The following N4BP2 variants were observed in gnomAD, a reference collection of about 807,000 sequenced individuals.
The protein encoded by N4BP2 is NEDD4-binding protein 2.
Under a neutral mutation model 152.8 loss-of-function variants are expected in N4BP2, and 91 were observed. The ratio of observed to expected loss-of-function variants is 0.60; its 90% CI spans 0.50 to 0.71. The LOEUF (loss-of-function observed/expected upper bound fraction) is 0.71. Among genes scored for constraint, N4BP2 ranks in the 30% least tolerant of loss-of-function variants. N4BP2 has a pLI of 0.00. For missense variants in N4BP2, 1,923 were observed against 2,059.1 expected, an observed-to-expected ratio of 0.93 and a Z score of 1.28; for synonymous variants, 646 against 705.3, an observed-to-expected ratio of 0.92 and a Z score of 1.33.
At chr4:40,069,143 C>CA (rs1294286645) in intron 1 of N4BP2, among the ~76,000 whole-genome samples, 2 of 147,896 alleles carry the variant, frequency 1.4e-5, no homozygotes, top group South Asian at 4.3e-4. Flanking sequence ...CAAAAAACAA[C>CA]AAAAAAATTC....
At chr4:40,069,439 C>T (rs757977759) in intron 1 of N4BP2, among the ~76,000 whole-genome samples, 6 of 151,922 alleles carry the variant, frequency 3.9e-5, no homozygotes, top group Non-Finnish European at 5.9e-5. Flanking sequence ...TCATTTTTTT[C>T]CCTTCCTTTC....
At chr4:40,124,046 G>T (rs575945675) in intron 10 of N4BP2, 114 bp from the exon 11 acceptor site, 3 of 682,210 alleles carry the variant, frequency 4.4e-6, no homozygotes, top group Admixed American at 2.1e-5. Flanking sequence ...GAGTAAGAAT[G>T]GTTTACAGTT....
chr4:40,141,272 C>A (rs1174162480), intron 14 of N4BP2, among the ~76,000 whole-genome samples: 3 of 151,714 alleles, frequency 2.0e-5, no homozygotes, highest in Non-Finnish European at 4.4e-5. Context: ...GGTGGGTGAC[C>A]CCCACCTCCT....
intron 14 of N4BP2, among the ~76,000 whole-genome samples, chr4:40,137,852 T>C (rs954026523): frequency 2.0e-5 from 3 of 152,188 alleles, no homozygotes; most frequent in African/African-American, 7.2e-5. Flanking sequence ...CTCTGGGGCA[T>C]AGGGACTTCC....
chr4:40,142,840 C>T lies in N4BP2; in HGVS notation c.4953C>T (p.Val1651=), dbSNP rs749114534. ...CTTATCGGATAGGGAAAAAAAATGT[C>T]GCCACCTTTTATGCCCAGCAGGTAA... ...KEAYRIGKKN[V]ATFYAQQGTL... Residue 1651 remains valine (V), a synonymous_variant, in exon 15 of 18, where the codon GTC becomes GTT. Transcript: ENST00000261435. 1.1e-5 allele frequency: 17 copies of T among 1,613,404 alleles called. 1 individual carries two copies. Among genetic ancestry groups the T allele is most frequent in the African/African-American group, 5.3e-5 (4 of 74,834 alleles).
chr4:40,144,652 G>A lies in N4BP2; in HGVS notation c.4995G>A (p.Lys1665=), dbSNP rs1720339680. 1.2e-6 allele frequency: 2 copies of A among 1,612,450 alleles called. No homozygotes were observed. The highest frequency in any genetic ancestry group is 2.7e-5 in the African/African-American group (2 of 74,844). ...TTTAGGGTACTCTTCATGAGCAGAA[G>A]ATGAAAGAAGCCAATCACCTTGCTG... ...YAQQGTLHEQ[K]MKEANHLAAI... Residue 1665 remains lysine (K), a synonymous_variant, in exon 16 of 18, where the codon AAG becomes AAA. Transcript: ENST00000261435.
chr4:40,187,424 C>T, the N4BP2 span, among the ~76,000 whole-genome samples: 2 of 152,076 alleles, frequency 1.3e-5, no homozygotes, highest in Non-Finnish European at 2.9e-5. Flanking sequence ...CAGGACATAC[C>T]CTGACTTCCT....
rs73140157 is a variant in N4BP2, at chr4:40,089,202, C to G, written c.-114-8025C>G. 3.8e-3 allele frequency among the ~76,000 whole-genome samples: 574 copies of G among 151,600 alleles called. 3 individuals carry two copies. Among genetic ancestry groups the G allele is most frequent in the African/African-American group, 0.013 (527 of 41,338 alleles). On this transcript the variant is annotated intron_variant, in intron 2 of 17. Transcript: ENST00000261435. ...CTCCTGGGCTTAAGGGATTCCCCCC[C>G]TCTTCAGCCCCTGTTGGGCTCCCAA...
intron 7 of N4BP2, among the ~76,000 whole-genome samples, chr4:40,115,849 A>G (rs1433101439): frequency 1.3e-5 from 2 of 152,188 alleles, no homozygotes; most frequent in Non-Finnish European, 2.9e-5. Flanking sequence ...CCATTAAATC[A>G]TGCTTATTGT....
At chr4:40,104,651 C>T (rs1003988174) in intron 4 of N4BP2, among the ~76,000 whole-genome samples, 1 of 152,066 alleles carries the variant, frequency 6.6e-6, no homozygotes, top group Admixed American at 6.6e-5. Context: ...AGCTGTGAGA[C>T]AAGTTTGAAG....
At chr4:40,073,597 A>ATTTT (rs35236806) in intron 2 of N4BP2, 46 bp downstream of exon 2, 1 of 146,542 alleles carries the variant, frequency 6.8e-6, no homozygotes. Context: ...TACACATAAG[A>ATTTT]TTTTTTTTTT....
intron 14 of N4BP2, 45 bp downstream of exon 14, chr4:40,137,127 T>G: frequency 7.1e-7 from 1 of 1,408,484 alleles, no homozygotes; most frequent in Admixed American, 2.1e-5. Flanking sequence ...GATAATTGCA[T>G]ATAAAAATAT....
the N4BP2 span, among the ~76,000 whole-genome samples, chr4:40,178,327 G>A: frequency 6.6e-6 from 1 of 151,990 alleles, no homozygotes; most frequent in Non-Finnish European, 1.5e-5. Context: ...TAATGATAAA[G>A]CAAGAGTTAG....
At chr4:40,159,441 A>G (rs146197935), downstream of N4BP2, among the ~76,000 whole-genome samples, 300 of 152,316 alleles carry the variant, frequency 2.0e-3, no homozygotes, top group African/African-American at 6.8e-3. Flanking sequence ...AATCTAGGAA[A>G]GTTCATCATT....
chr4:40,166,612 C>T, the N4BP2 span: 2 of 151,894 alleles, frequency 1.3e-5, no homozygotes, highest in African/African-American at 4.8e-5. Flanking sequence ...TCACTTGAAC[C>T]CAGGAGACGG....
chr4:40,154,058 T>C, intron 17 of N4BP2, 134 bp from the exon 18 acceptor site: 1 of 618,140 alleles, frequency 1.6e-6, no homozygotes, highest in Non-Finnish European at 2.8e-6. Context: ...GTCTTGGATA[T>C]TGACTTAATA....
chr4:40,071,161 A>G (rs1360913276), intron 1 of N4BP2, among the ~76,000 whole-genome samples: 2 of 150,574 alleles, frequency 1.3e-5, no homozygotes, highest in Non-Finnish European at 3.0e-5. Flanking sequence ...CTCCTTCTCT[A>G]CTCTGCCTCT....
chr4:40,101,619 G>A (rs978206862), intron 3 of N4BP2, among the ~76,000 whole-genome samples: 2 of 152,102 alleles, frequency 1.3e-5, no homozygotes, highest in African/African-American at 4.8e-5. Context: ...TTTGTAGTAA[G>A]TGAAATTCAT....
intron 16 of N4BP2, among the ~76,000 whole-genome samples, chr4:40,146,700 G>A (rs150087614): frequency 3.9e-5 from 6 of 152,156 alleles, no homozygotes; most frequent in South Asian, 2.1e-4. Flanking sequence ...TACTCTCATA[G>A]CAAATTTCAA....
Sources: allele counts gnomAD v4.1 joint callset (sites outside exome capture counted in the v4.1 genomes callset), GRCh38; gene constraint gnomAD v4.1.1; transcripts MANE v1.5; gene names NCBI Gene and HGNC (gene_info 2026-07-23, HGNC 2026-07-21).